Variants in PEAK1 observed in about 807,000 individuals in gnomAD.
PEAK1 encodes pseudopodium enriched atypical kinase 1.
PEAK1 carries 54 observed loss-of-function variants against 124.7 expected under a neutral mutation model. That is an observed-to-expected ratio of 0.43 (90% CI 0.35 to 0.54). The LOEUF (loss-of-function observed/expected upper bound fraction) is 0.54. Ranked by LOEUF, PEAK1 falls within the 20% of genes least tolerant of loss-of-function variation. The probability of loss-of-function intolerance (pLI) is 0.01; values close to 1 mark genes in which losing one functional copy is unlikely to be tolerated. For synonymous variants in PEAK1, 719 were observed against 760.0 expected (o/e 0.95, Z 0.89); for missense variants, 2,046 against 2,134.5 (o/e 0.96, Z 0.82).
intron 8 of PEAK1, among the ~76,000 whole-genome samples, chr15:77,138,946 C>G (rs936869602): frequency 2.7e-5 from 4 of 150,244 alleles, no homozygotes; most frequent in Non-Finnish European, 5.9e-5. Flanking sequence ...TTTTTATAAA[C>G]TTTTTTGTTA....
chr15:77,262,087 C>T (rs951169062), intron 5 of PEAK1, among the ~76,000 whole-genome samples: 8 of 152,070 alleles, frequency 5.3e-5, no homozygotes, highest in Admixed American at 2.6e-4. Context: ...CCAGGCCTGC[C>T]CTAAAAGAAC....
intron 2 of PEAK1, among the ~76,000 whole-genome samples, chr15:77,362,819 T>TG (rs1265848001): frequency 6.6e-6 from 1 of 151,248 alleles, no homozygotes; most frequent in East Asian, 1.9e-4. Context: ...ATATTGTGGA[T>TG]GAAAAAAAAG....
At chr15:77,417,512 A>G (rs1043172678) in intron 1 of PEAK1, 2 of 984,766 alleles carry the variant, frequency 2.0e-6, no homozygotes, top group African/African-American at 3.5e-5. Context: ...TCAGCAAATG[A>G]CAGAATAACG....
At chr15:77,173,688 C>T (rs917789601) in intron 7 of PEAK1, among the ~76,000 whole-genome samples, 2 of 152,160 alleles carry the variant, frequency 1.3e-5, no homozygotes, top group Non-Finnish European at 2.9e-5. Context: ...GTTTTACACC[C>T]ACTGGATTAT....
chr15:77,373,173 C>T (rs966679799), intron 1 of PEAK1, among the ~76,000 whole-genome samples: 1 of 152,052 alleles, frequency 6.6e-6, no homozygotes, highest in Admixed American at 6.5e-5. Context: ...CTGCTCCTAA[C>T]TGTTGATCTC....
At chr15:77,313,678 G>GTATATATA (rs1567244696) in intron 2 of PEAK1, among the ~76,000 whole-genome samples, 3 of 118,490 alleles carry the variant, frequency 2.5e-5, no homozygotes, top group African/African-American at 1.2e-4. Flanking sequence ...GTGTGTGTGT[G>GTATATATA]TGTGTGTGTG....
intron 1 of PEAK1, among the ~76,000 whole-genome samples, chr15:77,400,830 T>C (rs548106793): frequency 7.4e-4 from 113 of 152,238 alleles, no homozygotes; most frequent in African/African-American, 2.4e-3. Context: ...TAGAAAAATA[T>C]TGAAGGAAGA....
intron 1 of PEAK1, among the ~76,000 whole-genome samples, chr15:77,406,407 G>C (rs902132855): frequency 6.6e-6 from 1 of 152,118 alleles, no homozygotes; most frequent in African/African-American, 2.4e-5. Flanking sequence ...AAAGCTCCTA[G>C]GTCTGATAAA....
At chr15:77,409,313 T>G (rs927143374) in intron 1 of PEAK1, among the ~76,000 whole-genome samples, 1 of 152,224 alleles carries the variant, frequency 6.6e-6, no homozygotes, top group Admixed American at 6.5e-5. Flanking sequence ...TCAGGCATTA[T>G]TTTAAGTACT....
chr15:77,250,255 ATAT>A (rs2060816038), intron 6 of PEAK1, among the ~76,000 whole-genome samples: 1 of 47,398 alleles, frequency 2.1e-5, no homozygotes, highest in Admixed American at 2.4e-4. Flanking sequence ...ATATATATAT[ATAT>A]TTTTTTTTGA....
In PEAK1 at chr15:77,115,008, G is replaced by A; in HGVS notation, c.4389C>T (p.Thr1463=). ...CCACAGTAAGACATGGAACCTCCCTGGTGATGACCACAACGTGGCTCCTCT... is the reference window on the plus strand; with the variant it reads ...CCACAGTAAGACATGGAACCTCCCTAGTGATGACCACAACGTGGCTCCTCT... The part of the protein sequence containing the change: ...KKQRSHVVVI[T]REVPCLTVAD... The change falls in exon 10 of 10, where the codon ACC becomes ACT. Residue 1463 remains threonine (T), a synonymous_variant. Coordinates refer to ENST00000682557, the MANE Select transcript of PEAK1 (RefSeq NM_001385026.1). 1 of 1,614,094 alleles carries A rather than the reference G, an allele frequency of 6.2e-7. No homozygotes were observed. The highest frequency in any genetic ancestry group is 1.6e-4 in the Middle Eastern group (1 of 6,062).
chr15:77,184,195 A>G (rs1272826463), intron 6 of PEAK1, among the ~76,000 whole-genome samples: 1 of 151,880 alleles, frequency 6.6e-6, no homozygotes, highest in Non-Finnish European at 1.5e-5. Context: ...TATTTATAAT[A>G]TTGTAGTAAA....
chr15:77,188,490 A>G (rs1445704801), intron 6 of PEAK1, among the ~76,000 whole-genome samples: 2 of 152,212 alleles, frequency 1.3e-5, no homozygotes, highest in African/African-American at 2.4e-5. Flanking sequence ...AGAAGTTCCA[A>G]AATGTTCCCT....
At chr15:77,192,204 A>G (rs1239333476) in intron 6 of PEAK1, among the ~76,000 whole-genome samples, 3 of 152,212 alleles carry the variant, frequency 2.0e-5, no homozygotes, top group Admixed American at 6.5e-5. Context: ...CAGGATGCTG[A>G]GGTGGATGAG....
chr15:77,385,062 T>A (rs946016956), intron 1 of PEAK1, among the ~76,000 whole-genome samples: 10 of 152,194 alleles, frequency 6.6e-5, no homozygotes, highest in African/African-American at 2.4e-4. Context: ...AACCCATGTA[T>A]AAGATACTTT....
At chr15:77,172,589 G>A (rs554200662) in intron 7 of PEAK1, among the ~76,000 whole-genome samples, 1 of 152,212 alleles carries the variant, frequency 6.6e-6, no homozygotes, top group Non-Finnish European at 1.5e-5. Flanking sequence ...GTTCATGAAA[G>A]AGGGGGCTAG....
At position 77,375,767 on chromosome 15, in the gene PEAK1, G is replaced by A. The variant is rs1304549325; in HGVS notation, c.-665-10542C>T. Among the ~76,000 whole-genome samples the A allele has an allele frequency of 5.3e-5, 8 of 152,064 alleles. No homozygotes were observed. In the South Asian group the frequency reaches 8.3e-4, roughly 16 times the overall value. ...TCCCAGCACTTTGGGAGGCCGAGGC[G>A]GGTGGATCACGAAGTCAGGAGATCG... On this transcript the variant is annotated intron_variant, in intron 1 of 9. Coordinates refer to ENST00000682557, the MANE Select transcript of PEAK1 (RefSeq NM_001385026.1).
intron 7 of PEAK1, among the ~76,000 whole-genome samples, chr15:77,164,659 AAATT>A (rs1259873363): frequency 5.5e-4 from 84 of 152,362 alleles, no homozygotes; most frequent in African/African-American, 2.0e-3. Context: ...GCATCTGTGC[AAATT>A]AACAGAAAAG....
intron 7 of PEAK1, chr15:77,178,487 A>T (rs1218198732): frequency 2.6e-6 from 1 of 387,644 alleles, no homozygotes; most frequent in Non-Finnish European, 4.6e-6. Flanking sequence ...ATTCCAAAAC[A>T]ACACATTATT....
Sources: gnomAD v4.1 joint callset for allele counts (sites outside exome capture counted in the v4.1 genomes callset) on GRCh38, gnomAD v4.1.1 for gene constraint, MANE v1.5 for transcripts, NCBI Gene and HGNC (gene_info 2026-07-23, HGNC 2026-07-21) for gene names.